ADAMTSL1: variants seen among roughly 807,000 people sequenced by gnomAD.
ADAMTSL1 encodes ADAMTS-like protein 1.
ADAMTSL1 carries 126 observed loss-of-function variants against 201.8 expected under a neutral mutation model. The observed-to-expected ratio is 0.62, with a 90% confidence interval of 0.54 to 0.72. The LOEUF is 0.72. ADAMTSL1 is among the 30% of genes least tolerant of loss of function. The pLI, the probability that ADAMTSL1 is intolerant of heterozygous loss-of-function variation, is 0.00. For synonymous variants in ADAMTSL1, 1,121 were observed against 903.4 expected (o/e 1.24, Z -4.32); for missense variants, 2,679 against 2,277.8 (o/e 1.18, Z -3.59).
chr9:18,085,665 G>GTA (rs925262115), intron 1 of ADAMTSL1, among the ~76,000 whole-genome samples: 3 of 149,430 alleles, frequency 2.0e-5, no homozygotes, highest in Admixed American at 1.3e-4. Flanking sequence ...CTGTGTGTGT[G>GTA]TATATATATA....
chr9:18,883,877 T>C (rs1382974120), intron 23 of ADAMTSL1, among the ~76,000 whole-genome samples: 3 of 152,240 alleles, frequency 2.0e-5, no homozygotes, highest in Admixed American at 6.5e-5. Context: ...GCTATGAACA[T>C]AGGTGTACAA....
intron 13 of ADAMTSL1, among the ~76,000 whole-genome samples, chr9:18,686,992 T>C (rs1371594283): frequency 6.6e-6 from 1 of 152,218 alleles, no homozygotes; most frequent in Non-Finnish European, 1.5e-5. Context: ...TAAAATTTAC[T>C]CTTAGTGTAA....
chr9:18,096,059 TAGTC>T (rs1306586089), intron 1 of ADAMTSL1, among the ~76,000 whole-genome samples: 1 of 152,202 alleles, frequency 6.6e-6, no homozygotes, highest in African/African-American at 2.4e-5. Context: ...AGACTTCCCA[TAGTC>T]AGTCAATTAC....
chr9:18,298,207 G>A (rs1299377382), intron 2 of ADAMTSL1, among the ~76,000 whole-genome samples: 1 of 152,116 alleles, frequency 6.6e-6, no homozygotes, highest in Non-Finnish European at 1.5e-5. Context: ...TTAAGATAAA[G>A]GTATGGAGTA....
intron 2 of ADAMTSL1, among the ~76,000 whole-genome samples, chr9:18,288,831 T>C (rs1472602660): frequency 6.6e-6 from 1 of 152,170 alleles, no homozygotes; most frequent in Non-Finnish European, 1.5e-5. Flanking sequence ...AAGAGTATGA[T>C]CTAAATCAGA....
At chr9:18,478,805 A>T (rs1239861729) in intron 1 of ADAMTSL1, among the ~76,000 whole-genome samples, 4 of 152,240 alleles carry the variant, frequency 2.6e-5, no homozygotes, top group Non-Finnish European at 5.9e-5. Context: ...AATCACAGGA[A>T]AATGTGTCTA....
chr9:18,680,350 G>T lies in ADAMTSL1; in HGVS notation c.1175G>T (p.Cys392Phe). 6.2e-7 allele frequency: 1 copy of T among 1,614,136 alleles called. No individual in the cohort carries two copies. The highest frequency in any genetic ancestry group is 2.2e-5 in the East Asian group (1 of 44,878). ...ATPWTACSSS[C>F]GGGIQSRAVS... is the part of the protein sequence containing the mutation. The stretch of plus-strand genomic sequence containing the variant: ...CCATGGACCGCGTGCTCCTCCTCGT[G>T]TGGGGGGGGCATCCAGAGCCGGGCA... Residue 392 changes from cysteine (C) to phenylalanine (F), a missense_variant, in exon 11 of 29, where the codon TGT becomes TTT. By Grantham distance (205) the Cys-to-Phe change is radical (BLOSUM62 -2). Coordinates refer to ENST00000380548, the MANE Select transcript of ADAMTSL1 (RefSeq NM_001040272.6).
At chr9:18,074,561 C>CTTTTT (rs138619215) in intron 1 of ADAMTSL1, among the ~76,000 whole-genome samples, 3 of 131,346 alleles carry the variant, frequency 2.3e-5, no homozygotes, top group East Asian at 2.3e-4. Context: ...CTTCTCTTTT[C>CTTTTT]TTTTTTTTTT....
intron 1 of ADAMTSL1, among the ~76,000 whole-genome samples, chr9:18,060,414 C>G (rs918596002): frequency 6.6e-6 from 1 of 152,118 alleles, no homozygotes; most frequent in African/African-American, 2.4e-5. Context: ...TTATTAACTT[C>G]ATTTCAAAAG....
intron 15 of ADAMTSL1, among the ~76,000 whole-genome samples, chr9:18,733,011 C>T (rs1818301534): frequency 6.6e-6 from 1 of 152,168 alleles, no homozygotes; most frequent in South Asian, 2.1e-4. Context: ...TTGTAACTAG[C>T]CAGTGGCAGG....
chr9:18,672,975 G>C (rs78571389), intron 9 of ADAMTSL1, among the ~76,000 whole-genome samples: 1,603 of 152,262 alleles, frequency 0.011, 32 homozygotes, highest in African/African-American at 0.037. Flanking sequence ...TGTAAGAACT[G>C]TGTGCCTGGT....
chr9:18,717,363 T>C (rs1327423864), intron 14 of ADAMTSL1, among the ~76,000 whole-genome samples: 2 of 151,930 alleles, frequency 1.3e-5, no homozygotes, highest in African/African-American at 4.8e-5. Flanking sequence ...TTGAAGACAT[T>C]ATACTGAAAG....
chr9:18,314,529 A>C (rs966128756), intron 2 of ADAMTSL1, among the ~76,000 whole-genome samples: 1 of 150,046 alleles, frequency 6.7e-6, no homozygotes, highest in Non-Finnish European at 1.5e-5. Flanking sequence ...TCCAGTCCAG[A>C]GTTGTTCCTT....
intron 3 of ADAMTSL1, among the ~76,000 whole-genome samples, chr9:18,542,884 T>C (rs2132166529): frequency 6.6e-6 from 1 of 152,338 alleles, no homozygotes; most frequent in South Asian, 2.1e-4. Flanking sequence ...TATGGCATCA[T>C]GGGTAATTTC....
chr9:18,743,680 G>T (rs1308550651), intron 15 of ADAMTSL1, among the ~76,000 whole-genome samples: 1 of 152,130 alleles, frequency 6.6e-6, no homozygotes, highest in Admixed American at 6.5e-5. Context: ...CCTGAGCCGT[G>T]CAAGTTACTG....
In ADAMTSL1 at chr9:18,706,762, C is replaced by G; in HGVS notation, c.1590C>G (p.Ala530=). 1.9e-6 allele frequency: 3 copies of G among 1,603,936 alleles called. No homozygotes were observed. The highest frequency in any genetic ancestry group is 2.6e-6 in the Non-Finnish European group (3 of 1,174,980). ...VSEEPSFIPE[A]WSACTVTCGV... ...CCGACTGCAGGTTCATCCCAGAGGCCTGGTCGGCCTGCACAGTCACCTGTG... is the reference window on the plus strand; with the variant it reads ...CCGACTGCAGGTTCATCCCAGAGGCGTGGTCGGCCTGCACAGTCACCTGTG... The change falls in exon 14 of 29, where the codon GCC becomes GCG. Residue 530 remains alanine, a synonymous_variant. Transcript: ENST00000380548.
chr9:18,140,677 A>T lies in ADAMTSL1; in HGVS notation c.88-23185A>T, dbSNP rs568378162. ...CAACTGAGGCAGTGAGCCATTCATC[A>T]TCAGTTCTGAGAATGGTGGGAGCAT... On this transcript the variant is annotated intron_variant, in intron 1 of 29. Coordinates refer to the ADAMTSL1 transcript ENST00000680146. Among the ~76,000 whole-genome samples, 42 of 152,312 alleles carry T rather than the reference A, an allele frequency of 2.8e-4. No homozygotes were observed. The South Asian group carries it at 7.7e-3, about 28-fold the overall frequency.
At chr9:18,560,518 G>C (rs186751065) in intron 3 of ADAMTSL1, among the ~76,000 whole-genome samples, 63 of 152,228 alleles carry the variant, frequency 4.1e-4, no homozygotes, top group African/African-American at 1.5e-3. Flanking sequence ...GATGATGCAG[G>C]CCTCATAAAA....
In ADAMTSL1 at chr9:18,526,469, G is replaced by T. The variant is rs1322920788; in HGVS notation, c.192-6778G>T. 2.6e-5 allele frequency among the ~76,000 whole-genome samples: 4 copies of T among 152,270 alleles called. No homozygotes were observed. The East Asian group carries it at 7.7e-4, about 29-fold the overall frequency. ...GGTTAATATTGTTATGTGTGAATTT[G>T]ATCCTGTCATTATGATGTTAGCTGG... On this transcript the variant is annotated intron_variant, in intron 2 of 28. Transcript: ENST00000380548.
Sources: gnomAD v4.1 joint callset for allele counts (sites outside exome capture counted in the v4.1 genomes callset) on GRCh38, gnomAD v4.1.1 for gene constraint, MANE v1.5 for transcripts, NCBI Gene and HGNC (gene_info 2026-07-23, HGNC 2026-07-21) for gene names.